The following KIAA1549L variants were observed in gnomAD, a reference collection of about 807,000 sequenced individuals.
KIAA1549L encodes the protein KIAA1549 like.
In KIAA1549L, 88 loss-of-function variants were observed where a neutral mutation model predicts 160.7. That is an observed-to-expected ratio of 0.55 (90% CI 0.46 to 0.65). The LOEUF (loss-of-function observed/expected upper bound fraction) is 0.65. Among genes scored for constraint, KIAA1549L ranks in the 30% least tolerant of loss-of-function variants. KIAA1549L has a pLI of 0.00. For synonymous variants in KIAA1549L, 950 were observed against 976.7 expected (o/e 0.97, Z 0.51); for missense variants, 2,258 against 2,437.5 (o/e 0.93, Z 1.55).
chr11:33,461,107 A>G (rs755491051), intron 1 of KIAA1549L, among the ~76,000 whole-genome samples: 4 of 152,202 alleles, frequency 2.6e-5, no homozygotes, highest in Admixed American at 6.5e-5. Context: ...CTCTTTCCCT[A>G]AAGAATAACC....
chr11:33,635,382 C>T (rs1218658931), intron 16 of KIAA1549L, among the ~76,000 whole-genome samples: 1 of 152,200 alleles, frequency 6.6e-6, no homozygotes, highest in African/African-American at 2.4e-5. Context: ...GGTCTCTGGG[C>T]CCTTGCCACG....
At chr11:33,596,355 T>A (rs1850199596) in intron 12 of KIAA1549L, among the ~76,000 whole-genome samples, 1 of 152,166 alleles carries the variant, frequency 6.6e-6, no homozygotes, top group African/African-American at 2.4e-5. Flanking sequence ...CTACAGAAAT[T>A]TGCTCATTAA....
intron 1 of KIAA1549L, among the ~76,000 whole-genome samples, chr11:33,530,438 T>A (rs55925690): frequency 0.061 from 214 of 3,484 alleles, 2 homozygotes; most frequent in Non-Finnish European, 0.082. Flanking sequence ...AAAAAAAAAA[T>A]ATATATATAT....
chr11:33,547,760 A>T lies in KIAA1549L; in HGVS notation c.3386-4A>T, dbSNP rs1854313435. On this transcript the variant is annotated splice_polypyrimidine_tract_variant and splice_region_variant and intron_variant, in intron 3 of 20. Coordinates refer to ENST00000658780, the MANE Select transcript of KIAA1549L (RefSeq NM_012194.3). Reference sequence around the variant, plus strand: ...GATTGCCATGCTTCTATTTTACCCCACAGTTCTCTTTCTCACCCAAAGGAG... The same window carrying T: ...GATTGCCATGCTTCTATTTTACCCCTCAGTTCTCTTTCTCACCCAAAGGAG... The T allele has an allele frequency of 6.3e-7, 1 of 1,594,620 alleles. No homozygotes were observed. Among genetic ancestry groups the T allele is most frequent in the East Asian group, 2.2e-5 (1 of 44,718 alleles).
Position 33,542,999 on chromosome 11 carries a change from T to C in KIAA1549L, c.1436T>C (p.Leu479Pro). 1 of 1,614,000 alleles carries C rather than the reference T, an allele frequency of 6.2e-7. No individual in the cohort carries two copies. The highest frequency in any genetic ancestry group is 8.5e-7 in the Non-Finnish European group (1 of 1,179,902). The part of the protein sequence containing the change: ...SLVPSLHITT[L>P]GQEQAILSGA... ...GTGCCTTCTCTGCATATCACCACAC[T>C]GGGTCAAGAGCAAGCCATCCTTTCT... Residue 479 changes from leucine to proline, a missense_variant, in exon 2 of 21, where the codon CTG (leucine) becomes CCG (proline). Transcript: ENST00000658780.
intron 9 of KIAA1549L, among the ~76,000 whole-genome samples, chr11:33,569,961 A>G (rs918142241): frequency 1.3e-5 from 2 of 150,944 alleles, no homozygotes; most frequent in Admixed American, 1.3e-4. Context: ...CACATTTTGC[A>G]TGCCAAAGGG....
chr11:33,660,588 A>G (rs1224190975), intron 19 of KIAA1549L, among the ~76,000 whole-genome samples: 1 of 151,842 alleles, frequency 6.6e-6, no homozygotes, highest in Non-Finnish European at 1.5e-5. Context: ...AAAGAAGACC[A>G]GGTTTCCTCC....
intron 10 of KIAA1549L, among the ~76,000 whole-genome samples, 160 bp downstream of exon 10, chr11:33,575,033 G>A (rs1250500591): frequency 1.3e-5 from 2 of 152,128 alleles, no homozygotes; most frequent in Non-Finnish European, 2.9e-5. Flanking sequence ...GTTGTTTCAA[G>A]CAATAAGGGA....
chr11:33,581,875 C>G (rs949888930), intron 10 of KIAA1549L, among the ~76,000 whole-genome samples: 10 of 152,202 alleles, frequency 6.6e-5, no homozygotes, highest in Admixed American at 6.5e-5. Flanking sequence ...ATTTTACATA[C>G]TGCACCAAGA....
intron 10 of KIAA1549L, among the ~76,000 whole-genome samples, chr11:33,576,300 G>A (rs1196105661): frequency 6.6e-6 from 1 of 152,154 alleles, no homozygotes; most frequent in Non-Finnish European, 1.5e-5. Flanking sequence ...TCCTGACCTT[G>A]TATTGTCTTG....
At chr11:33,504,451 C>CTTTCCCTTCCCT (rs149558609) in intron 1 of KIAA1549L, among the ~76,000 whole-genome samples, 1 of 151,828 alleles carries the variant, frequency 6.6e-6, no homozygotes, top group African/African-American at 2.4e-5. Flanking sequence ...CTTCCCTTCC[C>CTTTCCCTTCCCT]TTCCCTTCCC....
At chr11:33,569,172 C>G (rs1344041960) in intron 9 of KIAA1549L, among the ~76,000 whole-genome samples, 1 of 152,156 alleles carries the variant, frequency 6.6e-6, no homozygotes, top group Non-Finnish European at 1.5e-5. Context: ...CAGTAGCCAT[C>G]CCCAGGAGTA....
intron 1 of KIAA1549L, among the ~76,000 whole-genome samples, chr11:33,388,323 T>C (rs1850212334): frequency 6.6e-6 from 1 of 152,164 alleles, no homozygotes; most frequent in African/African-American, 2.4e-5. Context: ...TTGTGAGAAC[T>C]CACTATCAGA....
In KIAA1549L at chr11:33,645,877, A is replaced by C. The variant is rs1238541225; in HGVS notation, c.5601A>C (p.Ala1867=). The change falls in exon 17 of 21, where the codon GCA becomes GCC. Residue 1867 remains alanine, a synonymous_variant. Coordinates refer to ENST00000658780, the MANE Select transcript of KIAA1549L (RefSeq NM_012194.3). ...EAFSLASAGH[A]GQSRHQEAYG... ...TCAGCCTGGCATCCGCGGGCCACGCAGGCCAGAGCCGGCACCAAGAGGCCT... is the reference window on the plus strand; with the variant it reads ...TCAGCCTGGCATCCGCGGGCCACGCCGGCCAGAGCCGGCACCAAGAGGCCT... 6.2e-7 allele frequency: 1 copy of C among 1,613,850 alleles called. No individual in the cohort carries two copies. The highest frequency in any genetic ancestry group is 8.5e-7 in the Non-Finnish European group (1 of 1,179,864).
At chr11:33,379,216 A>G (rs1018785123) in intron 1 of KIAA1549L, among the ~76,000 whole-genome samples, 1 of 152,116 alleles carries the variant, frequency 6.6e-6, no homozygotes, top group Non-Finnish European at 1.5e-5. Context: ...GTTTCTGGAA[A>G]ATTCTGTAGC....
chr11:33,659,618 C>G (rs145700630), intron 19 of KIAA1549L, among the ~76,000 whole-genome samples: 50 of 152,352 alleles, frequency 3.3e-4, no homozygotes, highest in African/African-American at 1.2e-3. Context: ...GCTAAAACTG[C>G]AAGCACTCAG....
chr11:33,561,847 T>G lies in KIAA1549L; in HGVS notation c.4078+112T>G. On this transcript the variant is annotated intron_variant, in intron 8 of 20. Coordinates refer to ENST00000658780, the MANE Select transcript of KIAA1549L (RefSeq NM_012194.3). ...GGCACTTTTCTTTGCTCCTGTCTTATAAGTCAGGAAGTTACTTCTACAGGA... is the reference window on the plus strand; with the variant it reads ...GGCACTTTTCTTTGCTCCTGTCTTAGAAGTCAGGAAGTTACTTCTACAGGA... 3.9e-6 allele frequency: 3 copies of G among 770,866 alleles called. No homozygotes were observed. The Admixed American group carries it at 6.8e-5, about 18-fold the overall frequency. 47.8% of individuals were successfully genotyped at this position (770,866 alleles called of 1,614,324 possible).
rs1233548554 is a variant in KIAA1549L at position 33,668,163 on chromosome 11, C to A, written c.*9C>A. The A allele has an allele frequency of 1.2e-6, 2 of 1,608,432 alleles. No homozygotes were observed. Among genetic ancestry groups the A allele is most frequent in the East Asian group, 4.5e-5 (2 of 44,726 alleles). On this transcript the variant is annotated 3_prime_UTR_variant, in exon 21 of 21. Coordinates refer to ENST00000658780, the MANE Select transcript of KIAA1549L (RefSeq NM_012194.3). The stretch of plus-strand genomic sequence containing the variant: ...TTGAGTTCCAGGTCTAACGCCTTAG[C>A]CCCGTGGGACTCTGGACTTCCAAAC...
intron 17 of KIAA1549L, among the ~76,000 whole-genome samples, chr11:33,650,390 T>A (rs1043670936): frequency 3.3e-5 from 5 of 152,186 alleles, no homozygotes; most frequent in African/African-American, 1.2e-4. Context: ...CAAACTCAGA[T>A]GGGCAAGAAA....
Sources: allele counts gnomAD v4.1 joint callset (sites outside exome capture counted in the v4.1 genomes callset), GRCh38; gene constraint gnomAD v4.1.1; transcripts MANE v1.5; gene names NCBI Gene and HGNC (gene_info 2026-07-23, HGNC 2026-07-21).